Variants in SLC12A8 observed in about 807,000 individuals in gnomAD.
SLC12A8 encodes the protein solute carrier family 12 member 8, also known as cation-chloride cotransporter 9.
A neutral mutation model predicts 75.6 loss-of-function variants in SLC12A8; 69 were observed. That is an observed-to-expected ratio of 0.91 (90% CI 0.75 to 1.11). The LOEUF is 1.11. Among genes scored for constraint, SLC12A8 ranks in the 50% most tolerant of loss-of-function variants. The probability of loss-of-function intolerance (pLI) is 0.00; values close to 1 mark genes in which losing one functional copy is unlikely to be tolerated. For synonymous variants in SLC12A8, 365 were observed against 372.8 expected (o/e 0.98, Z 0.24); for missense variants, 877 against 896.7 (o/e 0.98, Z 0.28).
intron 3 of SLC12A8, among the ~76,000 whole-genome samples, chr3:125,188,171 C>T (rs1034853646): frequency 1.3e-5 from 2 of 152,154 alleles, no homozygotes; most frequent in East Asian, 1.9e-4. Flanking sequence ...TCACTCTGTT[C>T]GTTCACAGGA....
chr3:125,169,271 G>C (rs1309785922), intron 5 of SLC12A8, among the ~76,000 whole-genome samples: 1 of 152,170 alleles, frequency 6.6e-6, no homozygotes, highest in South Asian at 2.1e-4. Context: ...TTTAAATTAA[G>C]TTATCGTGCT....
chr3:125,162,916 C>T (rs1548194), intron 5 of SLC12A8, among the ~76,000 whole-genome samples: 105,431 of 151,906 alleles, frequency 0.69, 37,973 homozygotes, highest in East Asian at 0.77. Context: ...AGATCAGAAC[C>T]AGAAAAAGAG....
chr3:125,108,870 G>C (rs894226311), intron 9 of SLC12A8, among the ~76,000 whole-genome samples: 12 of 152,166 alleles, frequency 7.9e-5, no homozygotes, highest in Admixed American at 5.9e-4. Context: ...CACTAATTCT[G>C]ACACTGAGTA....
intron 5 of SLC12A8, among the ~76,000 whole-genome samples, chr3:125,170,040 C>CA (rs1434274870): frequency 3.7e-4 from 56 of 150,736 alleles, no homozygotes; most frequent in Admixed American, 1.7e-3. Flanking sequence ...GAATAAAATA[C>CA]AAAAAAAAAT....
intron 5 of SLC12A8, among the ~76,000 whole-genome samples, chr3:125,152,435 T>C (rs1461638394): frequency 6.6e-6 from 1 of 152,234 alleles, no homozygotes; most frequent in Non-Finnish European, 1.5e-5. Context: ...ATGCTTTTCA[T>C]TTTTAGCAAT....
chr3:125,139,236 C>G (rs2107763265), intron 5 of SLC12A8, among the ~76,000 whole-genome samples: 1 of 152,244 alleles, frequency 6.6e-6, no homozygotes, highest in South Asian at 2.1e-4. Flanking sequence ...AAGAAAGAAA[C>G]TGAGCAAAAG....
At position 125,118,840 on chromosome 3, in the gene SLC12A8, T is replaced by C. The variant is rs621383; in HGVS notation, c.841A>G (p.Ile281Val). 1 allele frequency: 1,613,066 copies of C among 1,613,384 alleles called. 806,375 individuals are homozygous for C. Among genetic ancestry groups the C allele is most frequent in the South Asian group, 1 (91,024 of 91,024 alleles). ...AVGISWFLYI[I>V]FVFLLGAICT... ...ATGGCGCCCAGGAGGAAGACGAAGATGATGTACAGAAACCACCTGCAAAAC... is the reference window on the plus strand; with the variant it reads ...ATGGCGCCCAGGAGGAAGACGAAGACGATGTACAGAAACCACCTGCAAAAC... The change falls in exon 8 of 14, where the codon ATC becomes GTC. Residue 281 changes from isoleucine (I) to valine (V), a missense_variant. Ile to Val is a conservative substitution (Grantham distance 29, BLOSUM62 3). Transcript: ENST00000469902.
chr3:125,101,712 T>C (rs1938880493), intron 10 of SLC12A8, among the ~76,000 whole-genome samples: 1 of 152,266 alleles, frequency 6.6e-6, no homozygotes, highest in South Asian at 2.1e-4. Flanking sequence ...AAGTTAATTT[T>C]TAAAATCCAT....
chr3:125,181,771 A>G (rs1934668239), intron 4 of SLC12A8, among the ~76,000 whole-genome samples: 1 of 145,360 alleles, frequency 6.9e-6, no homozygotes, highest in African/African-American at 2.5e-5. Context: ...ACAAGAAACA[A>G]AAGCTGATCT....
Position 125,107,489 on chromosome 3 carries a change from C to T in SLC12A8, c.1697G>A (p.Ser566Asn), listed in dbSNP as rs553956252. ...GATACCAGAGCACTCACCTTCTCCA[C>T]TGGACTCTGATTGGTTGCACAGCTC... ...VPELCNQSES[S>N]GEDFFLKSRL... Residue 566 changes from serine to asparagine, a missense_variant, in exon 10 of 14, where the codon AGT becomes AAT. Coordinates refer to ENST00000469902, the MANE Select transcript of SLC12A8 (RefSeq NM_024628.6). 1.1e-5 allele frequency: 17 copies of T among 1,606,082 alleles called. No individual in the cohort carries two copies. In the East Asian group the frequency reaches 3.8e-4, roughly 36 times the overall value.
At position 125,210,931 on chromosome 3, in the gene SLC12A8, A is replaced by G. The variant is rs1022869568; in HGVS notation, c.51+368T>C. 3.9e-4 allele frequency among the ~76,000 whole-genome samples: 60 copies of G among 152,322 alleles called. 1 individual carries two copies. The highest frequency in any genetic ancestry group is 1.4e-3 in the African/African-American group (57 of 41,570). On this transcript the variant is annotated intron_variant, in intron 2 of 13. Coordinates refer to ENST00000469902, the MANE Select transcript of SLC12A8 (RefSeq NM_024628.6). ...AGAAATCCTTTTGGCTTCAGAACAT[A>G]AGAGTTTTTTCAGAAATAAATTTAC...
chr3:125,107,428 A>C (rs773134032), intron 10 of SLC12A8, 53 bp downstream of exon 10: 65 of 1,476,614 alleles, frequency 4.4e-5, no homozygotes, highest in Non-Finnish European at 5.9e-5. Context: ...TAGGTAGGAT[A>C]ATCAGTGGTC....
chr3:125,128,337 C>T (rs1445239748), intron 6 of SLC12A8, among the ~76,000 whole-genome samples: 52 of 143,616 alleles, frequency 3.6e-4, no homozygotes, highest in Admixed American at 1.3e-3. Context: ...CCCGCCACTA[C>T]GCCCGGCTAA....
intron 6 of SLC12A8, among the ~76,000 whole-genome samples, chr3:125,125,240 C>A (rs1454570450): frequency 6.6e-6 from 1 of 151,744 alleles, no homozygotes; most frequent in South Asian, 2.1e-4. Flanking sequence ...CTTTTCTTGG[C>A]GGGCTTCCAA....
intron 10 of SLC12A8, among the ~76,000 whole-genome samples, chr3:125,103,667 A>G (rs779699025): frequency 6.6e-6 from 1 of 151,526 alleles, no homozygotes; most frequent in African/African-American, 2.4e-5. Flanking sequence ...GGGTCTCAAT[A>G]TGTTACCTAG....
chr3:125,091,524 T>C lies in SLC12A8; in HGVS notation c.1836A>G (p.Ile612Met), dbSNP rs561085485. 4.3e-5 allele frequency: 69 copies of C among 1,613,966 alleles called. No individual in the cohort carries two copies. The highest frequency in any genetic ancestry group is 3.3e-4 in the Middle Eastern group (2 of 6,060). The change falls in exon 12 of 14, where the codon ATA (isoleucine) becomes ATG (methionine). Residue 612 changes from isoleucine (I) to methionine (M), a missense_variant. Coordinates refer to ENST00000469902, the MANE Select transcript of SLC12A8 (RefSeq NM_024628.6). ...TGTTAACCAGGGTATACACCCACTG[T>C]ATCACAAACATGATGAGAAGGGACC... ...AVGSLLIMFV[I>M]QWVYTLVNMG...
intron 2 of SLC12A8, among the ~76,000 whole-genome samples, chr3:125,209,336 A>G (rs972610611): frequency 2.7e-4 from 41 of 152,222 alleles, no homozygotes; most frequent in African/African-American, 8.2e-4. Flanking sequence ...CAAAATAATC[A>G]TATCAACTTC....
chr3:125,119,836 T>A (rs1398971913), intron 7 of SLC12A8: 1 of 456,618 alleles, frequency 2.2e-6, no homozygotes, highest in African/African-American at 2.0e-5. Context: ...TTGTTTCTGG[T>A]CTCTGATCTC....
At chr3:125,112,634 A>T (rs139219831) in intron 8 of SLC12A8, among the ~76,000 whole-genome samples, 1 of 152,196 alleles carries the variant, frequency 6.6e-6, no homozygotes, top group African/African-American at 2.4e-5. Flanking sequence ...ATCCATTATC[A>T]ATCCTCAATC....
Sources: gnomAD v4.1 joint callset for allele counts (sites outside exome capture counted in the v4.1 genomes callset) on GRCh38, gnomAD v4.1.1 for gene constraint, MANE v1.5 for transcripts, NCBI Gene and HGNC (gene_info 2026-07-23, HGNC 2026-07-21) for gene names.